The following PLAT variants were observed in gnomAD, a reference collection of about 807,000 sequenced individuals.
PLAT encodes plasminogen activator, tissue type, also known as tissue-type plasminogen activator.
In PLAT, 48 loss-of-function variants were observed where a neutral mutation model predicts 74.9. The observed-to-expected ratio is 0.64, with a 90% CI of 0.51 to 0.82. PLAT has a LOEUF of 0.82. Among genes scored for constraint, PLAT ranks in the 40% least tolerant of loss-of-function variants. The pLI, the probability that PLAT is intolerant of heterozygous loss-of-function variation, is 0.00. For synonymous variants in PLAT, 307 were observed against 294.4 expected (o/e 1.04, Z -0.44); for missense variants, 673 against 736.2 (o/e 0.91, Z 0.99).
At chr8:42,198,463 G>A (rs1025359187) in intron 1 of PLAT, among the ~76,000 whole-genome samples, 1 of 152,216 alleles carries the variant, frequency 6.6e-6, no homozygotes, top group Non-Finnish European at 1.5e-5. Flanking sequence ...CTGCAGCCTG[G>A]GCGACAGAGC....
Position 42,181,813 on chromosome 8 carries a change from C to T in PLAT, c.889+124G>A, listed in dbSNP as rs1326973514. 5.0e-6 allele frequency: 3 copies of T among 603,368 alleles called. No individual in the cohort carries two copies. In the African/African-American group the frequency reaches 5.6e-5, roughly 11 times the overall value. The allele number at this position is 603,368 out of a possible 1,614,324, so 37.4% of individuals were successfully genotyped here. On this transcript the variant is annotated intron_variant, in intron 9 of 13. Coordinates refer to ENST00000220809, the MANE Select transcript of PLAT (RefSeq NM_000930.5). ...TTCAGTCATGGAAGCCCCCTCCCCACCCAGCCTGGAAGTCTGGTAGGCACA... is the reference window on the plus strand; with the variant it reads ...TTCAGTCATGGAAGCCCCCTCCCCATCCAGCCTGGAAGTCTGGTAGGCACA...
chr8:42,201,109 C>T (rs1392006666), intron 1 of PLAT, among the ~76,000 whole-genome samples: 4 of 152,188 alleles, frequency 2.6e-5, no homozygotes, highest in Admixed American at 6.5e-5. Context: ...GGATTACAGG[C>T]GTGAGCCAAC....
intron 4 of PLAT, 61 bp downstream of exon 4, chr8:42,188,873 C>T: frequency 2.0e-6 from 3 of 1,485,914 alleles, no homozygotes; most frequent in Admixed American, 1.7e-5. Flanking sequence ...GACCCTCCCA[C>T]CTTGGCCTCC....
intron 1 of PLAT, among the ~76,000 whole-genome samples, chr8:42,194,626 A>G (rs1805833695): frequency 1.3e-5 from 2 of 152,178 alleles, no homozygotes; most frequent in Non-Finnish European, 2.9e-5. Flanking sequence ...AGCCGCAGTC[A>G]TGTCCTCTTG....
At chr8:42,191,331 C>T (rs759942068) in intron 3 of PLAT, 41 bp downstream of exon 3, 1 of 1,578,192 alleles carries the variant, frequency 6.3e-7, no homozygotes, top group Non-Finnish European at 8.7e-7. Context: ...CGCCCTGCCT[C>T]CCTCCCTGAT....
chr8:42,193,485 A>C, intron 1 of PLAT: 1 of 295,554 alleles, frequency 3.4e-6, no homozygotes, highest in Non-Finnish European at 6.6e-6. Flanking sequence ...GGCCGTCACC[A>C]CCGCCCATCT....
chr8:42,188,126 C>T lies in PLAT; in HGVS notation c.254-110G>A, dbSNP rs183390043. The T allele has an allele frequency of 1.1e-3, 684 of 642,434 alleles. 2 individuals carry two copies. The highest frequency in any genetic ancestry group is 1.3e-3 in the Non-Finnish European group (470 of 361,922). The allele number at this position is 642,434 out of a possible 1,614,324, so 39.8% of individuals were successfully genotyped here. On this transcript the variant is annotated intron_variant, in intron 4 of 13. Coordinates refer to ENST00000220809, the MANE Select transcript of PLAT (RefSeq NM_000930.5). ...ATCCACACACACTCAAGTCCTGCAG[C>T]GTGGAACACGCGTATACCAGTTCTG...
rs919362946 is a variant in PLAT at position 42,182,028 on chromosome 8, T to C, written c.804-6A>G. The C allele has an allele frequency of 1.9e-6, 3 of 1,567,220 alleles. No homozygotes were observed. The highest frequency in any genetic ancestry group is 2.6e-6 in the Non-Finnish European group (3 of 1,137,320). On this transcript the variant is annotated splice_polypyrimidine_tract_variant and splice_region_variant and intron_variant, in intron 8 of 13. Transcript: ENST00000220809. ...TGGCATCCCCATCAGGATTCCTAAA[T>C]GATAAGAGAGTTTAAGGTTTCCTTT...
intron 4 of PLAT, 126 bp from the exon 5 acceptor site, chr8:42,188,142 A>T (rs914995451): frequency 3.4e-6 from 2 of 596,652 alleles, no homozygotes; most frequent in African/African-American, 3.7e-5. Context: ...ACACGCGTAT[A>T]CCAGTTCTGC....
At position 42,176,084 on chromosome 8, in the gene PLAT, C is replaced by T; in HGVS notation, c.1598G>A (p.Trp533Ter). The change falls in exon 14 of 14, where the codon TGG (tryptophan) becomes TAG (stop). Residue 533 changes from tryptophan (W) to a stop codon, truncating the protein, a stop_gained. Transcript: ENST00000220809. LOFTEE classifies it high-confidence loss of function. ...GRMTLVGIIS[W>*]GLGCGQKDVP... ...ATCCTTCTGTCCACAGCCCAGGCCC[C>T]AGCTGATGATGCCCACCAAAGTCAT... The T allele has an allele frequency of 6.2e-7, 1 of 1,614,058 alleles. No individual in the cohort carries two copies. The highest frequency in any genetic ancestry group is 8.5e-7 in the Non-Finnish European group (1 of 1,179,942).
chr8:42,189,911 T>C (rs1805620844), intron 3 of PLAT, among the ~76,000 whole-genome samples: 1 of 150,110 alleles, frequency 6.7e-6, no homozygotes, highest in Admixed American at 6.6e-5. Context: ...ATTTTTTCTT[T>C]TCTTTTCTTT....
At chr8:42,178,490 G>A (rs2954000) in intron 13 of PLAT, among the ~76,000 whole-genome samples, 1 of 152,036 alleles carries the variant, frequency 6.6e-6, no homozygotes, top group Non-Finnish European at 1.5e-5. Context: ...GGCTGGTCTC[G>A]AACTCCTGAC....
chr8:42,189,535 AT>A (rs1805607762), intron 3 of PLAT, among the ~76,000 whole-genome samples: 1 of 151,036 alleles, frequency 6.6e-6, no homozygotes, highest in African/African-American at 2.4e-5. Context: ...AATAAAATAA[AT>A]TTGCATTTCT....
chr8:42,176,665 G>C (rs1804985183), intron 13 of PLAT, among the ~76,000 whole-genome samples: 1 of 152,234 alleles, frequency 6.6e-6, no homozygotes, highest in African/African-American at 2.4e-5. Context: ...GGCAGTCAGG[G>C]AGCCTGCCCT....
intron 3 of PLAT, 42 bp downstream of exon 3, chr8:42,191,318 CCCCGCCCTGCCT>C: frequency 3.3e-6 from 5 of 1,506,416 alleles, no homozygotes; most frequent in Non-Finnish European, 3.7e-6. Context: ...GCACCCTGCA[CCCCGCCCTGCCT>C]CCCTCCCTGA....
Position 42,176,128 on chromosome 8 carries a change from C to T in PLAT, c.1554G>A (p.Val518=). 2 of 1,613,884 alleles carry T rather than the reference C, an allele frequency of 1.2e-6. No homozygotes were observed. Among genetic ancestry groups the T allele is most frequent in the African/African-American group, 1.3e-5 (1 of 75,038 alleles). Residue 518 remains valine, a synonymous_variant, in exon 14 of 14, where the codon GTG becomes GTA. Coordinates refer to ENST00000220809, the MANE Select transcript of PLAT (RefSeq NM_000930.5). ...ACQGDSGGPL[V]CLNDGRMTLV... is the part of the protein sequence containing the mutation. ...AAGTCATGCGGCCATCGTTCAGACA[C>T]ACCAGGGGGCCTCCCGAATCGCCCT...
At chr8:42,186,306 C>G (rs1459957565) in intron 6 of PLAT, 1 of 152,128 alleles carries the variant, frequency 6.6e-6, no homozygotes, top group Non-Finnish European at 1.5e-5. Flanking sequence ...CTCTGCTCAT[C>G]TGAGACAAAT....
intron 3 of PLAT, among the ~76,000 whole-genome samples, chr8:42,190,012 G>A (rs1044547532): frequency 1.3e-5 from 2 of 151,784 alleles, no homozygotes; most frequent in African/African-American, 4.9e-5. Context: ...CCAGGCTCAA[G>A]CAGTCCTCCT....
chr8:42,200,836 T>G (rs1346222779), intron 1 of PLAT, among the ~76,000 whole-genome samples: 2 of 152,044 alleles, frequency 1.3e-5, no homozygotes, highest in African/African-American at 4.8e-5. Context: ...TTGTAACTTT[T>G]TTTTTTTTTC....
Sources: allele counts gnomAD v4.1 joint callset (sites outside exome capture counted in the v4.1 genomes callset), GRCh38; gene constraint gnomAD v4.1.1; transcripts MANE v1.5; gene names NCBI Gene and HGNC (gene_info 2026-07-23, HGNC 2026-07-21).